Variants in MRPL48 observed in about 807,000 individuals in gnomAD.
MRPL48 encodes large ribosomal subunit protein mL48.
A neutral mutation model predicts 32.9 loss-of-function variants in MRPL48; 16 were observed. The observed-to-expected ratio is 0.49, with a 90% CI of 0.33 to 0.74. The LOEUF (loss-of-function observed/expected upper bound fraction) is 0.74. MRPL48 is among the 30% of genes least tolerant of loss of function. The pLI is 0.02. For synonymous variants in MRPL48, 94 were observed against 89.2 expected (o/e 1.05, Z -0.31); for missense variants, 206 against 245.3 (o/e 0.84, Z 1.07).
chr11:73,824,779 G>T (rs1947853051), intron 3 of MRPL48, among the ~76,000 whole-genome samples: 1 of 152,012 alleles, frequency 6.6e-6, no homozygotes, highest in Non-Finnish European at 1.5e-5. Context: ...AGAGATGAGA[G>T]CCCTCTGAGA....
chr11:73,790,744 C>G (rs780895020), intron 1 of MRPL48, among the ~76,000 whole-genome samples: 3 of 151,680 alleles, frequency 2.0e-5, no homozygotes, highest in African/African-American at 7.3e-5. Context: ...CCAGGCTAGT[C>G]TCGAACTCCT....
At chr11:73,846,825 A>G (rs1339865453) in intron 5 of MRPL48, among the ~76,000 whole-genome samples, 2 of 151,570 alleles carry the variant, frequency 1.3e-5, no homozygotes, top group African/African-American at 2.4e-5. Flanking sequence ...CTCTCTCCCA[A>G]ATAGCTGGGA....
At chr11:73,826,445 G>A (rs1363973765) in intron 4 of MRPL48, among the ~76,000 whole-genome samples, 1 of 152,064 alleles carries the variant, frequency 6.6e-6, no homozygotes, top group African/African-American at 2.4e-5. Context: ...AGTAGAGGTA[G>A]ACTGATATTT....
intron 1 of MRPL48, among the ~76,000 whole-genome samples, chr11:73,793,702 G>C (rs186486341): frequency 6.6e-6 from 1 of 150,796 alleles, no homozygotes; most frequent in East Asian, 2.0e-4. Flanking sequence ...CAGAGAAATA[G>C]TATGGGAGTG....
At chr11:73,791,503 G>A (rs975116145) in intron 1 of MRPL48, among the ~76,000 whole-genome samples, 3 of 151,278 alleles carry the variant, frequency 2.0e-5, no homozygotes, top group Admixed American at 6.6e-5. Context: ...TGCAACCTCC[G>A]CCTCCTGGGC....
At chr11:73,800,768 T>G (rs1947346248) in intron 1 of MRPL48, among the ~76,000 whole-genome samples, 1 of 152,056 alleles carries the variant, frequency 6.6e-6, no homozygotes, top group South Asian at 2.1e-4. Flanking sequence ...CATACCATAA[T>G]TTGAATGTCT....
intron 3 of MRPL48, chr11:73,817,749 A>C: frequency 3.2e-6 from 1 of 310,396 alleles, no homozygotes; most frequent in Non-Finnish European, 6.4e-6. Flanking sequence ...TTGAAAGCAC[A>C]CAGTTTTGTT....
chr11:73,811,113 A>G (rs1947558302), intron 3 of MRPL48, among the ~76,000 whole-genome samples: 1 of 152,238 alleles, frequency 6.6e-6, no homozygotes, highest in Admixed American at 6.5e-5. Flanking sequence ...TGGATAGTAT[A>G]GTATCATGGC....
intron 5 of MRPL48, among the ~76,000 whole-genome samples, chr11:73,858,522 G>C (rs953058424): frequency 6.6e-6 from 1 of 152,100 alleles, no homozygotes; most frequent in African/African-American, 2.4e-5. Context: ...TGATCCACCC[G>C]CATCGGCCTC....
intron 5 of MRPL48, among the ~76,000 whole-genome samples, chr11:73,849,071 CT>C (rs1948344874): frequency 6.6e-6 from 1 of 152,054 alleles, no homozygotes; most frequent in South Asian, 2.1e-4. Context: ...ATCTGCCTGC[CT>C]CGGCCTTTCC....
chr11:73,860,818 G>A (rs773063258), intron 6 of MRPL48, among the ~76,000 whole-genome samples: 2 of 152,106 alleles, frequency 1.3e-5, no homozygotes, highest in East Asian at 3.8e-4. Flanking sequence ...ATCAATTTTA[G>A]AACATTTTCC....
intron 4 of MRPL48, among the ~76,000 whole-genome samples, chr11:73,831,556 A>G (rs995621068): frequency 6.6e-6 from 1 of 151,996 alleles, no homozygotes; most frequent in African/African-American, 2.4e-5. Flanking sequence ...TCCTGTCTCA[A>G]AGTGTAGATC....
chr11:73,815,896 T>A (rs1048666060), intron 3 of MRPL48, among the ~76,000 whole-genome samples: 36 of 151,430 alleles, frequency 2.4e-4, no homozygotes, highest in African/African-American at 6.3e-4. Context: ...ACTTTTATTT[T>A]TTTTTTTTTT....
intron 1 of MRPL48, among the ~76,000 whole-genome samples, chr11:73,797,279 G>A (rs1039556426): frequency 2.0e-5 from 3 of 152,150 alleles, no homozygotes; most frequent in Non-Finnish European, 4.4e-5. Flanking sequence ...CTCACCCTCC[G>A]CTTGTCTGCA....
intron 3 of MRPL48, chr11:73,822,870 C>G (rs1947808353): frequency 2.8e-6 from 1 of 351,724 alleles, no homozygotes; most frequent in Non-Finnish European, 5.7e-6. Flanking sequence ...AGCTCTGTCT[C>G]CTCTCAGATC....
chr11:73,804,954 T>C, intron 1 of MRPL48, 73 bp from the exon 2 acceptor site: 1 of 1,434,248 alleles, frequency 7.0e-7, no homozygotes, highest in Non-Finnish European at 9.6e-7. Flanking sequence ...GTGGGTTTCT[T>C]GCCTCTCTGA....
At position 73,797,315 on chromosome 11, in the gene MRPL48, C is replaced by T. The variant is rs1947273965; in HGVS notation, c.22-7712C>T. Among the ~76,000 whole-genome samples the T allele has an allele frequency of 2.0e-5, 3 of 152,332 alleles. No individual in the cohort carries two copies. In the South Asian group the frequency reaches 6.2e-4, roughly 32 times the overall value. ...TACTCCATTTGTTCTGGTTGCAGGA[C>T]AAGAACTTGGGACCTGTTTAATGGC... On this transcript the variant is annotated intron_variant, in intron 1 of 7. Coordinates refer to ENST00000310614, the MANE Select transcript of MRPL48 (RefSeq NM_016055.6).
intron 3 of MRPL48, among the ~76,000 whole-genome samples, chr11:73,815,345 C>T (rs145376927): frequency 1.1e-3 from 168 of 151,832 alleles, no homozygotes; most frequent in African/African-American, 3.6e-3. Context: ...ACCTGGGAGG[C>T]GGAGGTTGCG....
chr11:73,860,653 A>C (rs1948568839), intron 6 of MRPL48, among the ~76,000 whole-genome samples: 1 of 152,230 alleles, frequency 6.6e-6, no homozygotes, highest in African/African-American at 2.4e-5. Context: ...ACCCAGAGGT[A>C]TAAAAAATTC....
Sources: gnomAD v4.1 joint callset for allele counts (sites outside exome capture counted in the v4.1 genomes callset) on GRCh38, gnomAD v4.1.1 for gene constraint, MANE v1.5 for transcripts, NCBI Gene and HGNC (gene_info 2026-07-23, HGNC 2026-07-21) for gene names.